The following HNRNPC variants were observed in gnomAD, a reference collection of about 807,000 sequenced individuals.
The protein encoded by HNRNPC is heterogeneous nuclear ribonucleoprotein C.
A neutral mutation model predicts 33.2 loss-of-function variants in HNRNPC; 3 were observed. The ratio of observed to expected loss-of-function variants is 0.09; its 90% CI spans 0.04 to 0.23. The LOEUF (loss-of-function observed/expected upper bound fraction) is 0.23. Among genes scored for constraint, HNRNPC ranks in the 10% least tolerant of loss-of-function variants. The pLI is 1.00. For missense variants in HNRNPC, 143 were observed against 366.7 expected (o/e 0.39, Z 4.98); for synonymous variants, 121 against 126.7 (o/e 0.96, Z 0.30).
At chr14:21,234,480 A>C (rs1894454298) in intron 2 of HNRNPC, among the ~76,000 whole-genome samples, 1 of 152,130 alleles carries the variant, frequency 6.6e-6, no homozygotes, top group Non-Finnish European at 1.5e-5. Context: ...CTCAGGAAAA[A>C]AAAATTCTCC....
chr14:21,218,756 T>C (rs1338871835), intron 5 of HNRNPC, among the ~76,000 whole-genome samples: 2 of 147,218 alleles, frequency 1.4e-5, no homozygotes, highest in African/African-American at 2.5e-5. Context: ...TCCCAGCACT[T>C]TGGAAGGCCA....
rs532229241 is a variant in HNRNPC at position 21,227,080 on chromosome 14, A to G, written c.365+3239T>C. 1.8e-3 allele frequency among the ~76,000 whole-genome samples: 269 copies of G among 152,176 alleles called. 4 individuals carry two copies. Among genetic ancestry groups the G allele is most frequent in the African/African-American group, 6.3e-3 (260 of 41,472 alleles). On this transcript the variant is annotated intron_variant, in intron 5 of 8. Transcript: ENST00000553300. ...AATCTTCAGAATGACTTCTTAGAAGATATTAATACCATTTTTCTAAGTTGT... is the reference window on the plus strand; with the variant it reads ...AATCTTCAGAATGACTTCTTAGAAGGTATTAATACCATTTTTCTAAGTTGT...
rs116519998 is a variant in HNRNPC at position 21,214,067 on chromosome 14, C to T, written c.366-950G>A. Among the ~76,000 whole-genome samples the T allele has an allele frequency of 8.0e-3, 1,211 of 152,228 alleles. 19 individuals are homozygous for T. The highest frequency in any genetic ancestry group is 0.028 in the African/African-American group (1,154 of 41,516). On this transcript the variant is annotated intron_variant, in intron 5 of 8. Coordinates refer to ENST00000553300, the MANE Select transcript of HNRNPC (RefSeq NM_004500.4). Reference sequence around the variant, plus strand: ...CATCAGTTCTAAACTTTCTACATTCCACATTGTCATTTCCATATAAGAACC... The same window carrying T: ...CATCAGTTCTAAACTTTCTACATTCTACATTGTCATTTCCATATAAGAACC...
intron 2 of HNRNPC, chr14:21,262,619 T>G (rs1400505648): frequency 6.6e-6 from 1 of 152,242 alleles, no homozygotes; most frequent in Non-Finnish European, 1.5e-5. Context: ...AGGAAGGGTG[T>G]GCATCTGTTC....
At chr14:21,215,946 G>GAAAAAGA (rs111381572) in intron 5 of HNRNPC, among the ~76,000 whole-genome samples, 3 of 139,344 alleles carry the variant, frequency 2.2e-5, no homozygotes, top group African/African-American at 8.0e-5. Context: ...AAAAGAAAAA[G>GAAAAAGA]AAAAAAAAAA....
chr14:21,267,950 TAAG>T (rs1760293605), intron 1 of HNRNPC, among the ~76,000 whole-genome samples: 2 of 152,212 alleles, frequency 1.3e-5, no homozygotes, highest in African/African-American at 4.8e-5. Flanking sequence ...GTTTAAGCCT[TAAG>T]AAAGGGGTCG....
chr14:21,258,885 A>G (rs1877693017), intron 2 of HNRNPC, among the ~76,000 whole-genome samples: 1 of 152,200 alleles, frequency 6.6e-6, no homozygotes, highest in Non-Finnish European at 1.5e-5. Context: ...CAAGAGATTG[A>G]GACAGTGGCC....
At chr14:21,220,423 T>G (rs1892697885) in intron 5 of HNRNPC, among the ~76,000 whole-genome samples, 1 of 152,120 alleles carries the variant, frequency 6.6e-6, no homozygotes, top group Admixed American at 6.6e-5. Flanking sequence ...GAAATGGGAT[T>G]TCACCATGTT....
intron 5 of HNRNPC, among the ~76,000 whole-genome samples, chr14:21,218,460 T>C (rs953732915): frequency 6.9e-6 from 1 of 144,960 alleles, no homozygotes; most frequent in Non-Finnish European, 1.5e-5. Context: ...CCGAGGCAGG[T>C]GGATTGCCTG....
intron 2 of HNRNPC, among the ~76,000 whole-genome samples, chr14:21,238,713 CTTT>C (rs935949609): frequency 6.6e-6 from 1 of 151,994 alleles, no homozygotes; most frequent in Admixed American, 6.6e-5. Flanking sequence ...TAGAATTTTT[CTTT>C]TTTTAATGCA....
chr14:21,227,604 T>C (rs1270452202), intron 5 of HNRNPC, among the ~76,000 whole-genome samples: 2 of 152,212 alleles, frequency 1.3e-5, no homozygotes, highest in Non-Finnish European at 2.9e-5. Context: ...CTATTGAAAA[T>C]CTGAAGAGGC....
intron 5 of HNRNPC, among the ~76,000 whole-genome samples, chr14:21,217,244 C>A (rs911748716): frequency 3.3e-5 from 5 of 152,160 alleles, no homozygotes; most frequent in African/African-American, 1.2e-4. Flanking sequence ...AATCAACCAG[C>A]AAAATTTTTG....
intron 5 of HNRNPC, among the ~76,000 whole-genome samples, chr14:21,226,081 G>A (rs2139586558): frequency 6.6e-6 from 1 of 152,138 alleles, no homozygotes; most frequent in South Asian, 2.1e-4. Context: ...ACTTTGGGAG[G>A]CCAAGGTGGA....
intron 5 of HNRNPC, 77 bp from the exon 6 acceptor site, chr14:21,213,194 T>C (rs766689232): frequency 2.6e-5 from 37 of 1,399,298 alleles, no homozygotes; most frequent in African/African-American, 5.8e-5. Flanking sequence ...TTATGATAAA[T>C]AGTAAGTGAA....
intron 5 of HNRNPC, among the ~76,000 whole-genome samples, chr14:21,217,362 A>G (rs1260632512): frequency 1.3e-5 from 2 of 152,228 alleles, no homozygotes; most frequent in African/African-American, 2.4e-5. Context: ...CCCGGATACT[A>G]TCAACTGCAA....
chr14:21,256,373 C>T (rs752615489), intron 2 of HNRNPC, among the ~76,000 whole-genome samples: 5 of 151,860 alleles, frequency 3.3e-5, no homozygotes, highest in Non-Finnish European at 7.4e-5. Context: ...TGCTTGAACC[C>T]GGGAGGCAGA....
chr14:21,247,462 C>T (rs1896110322), intron 2 of HNRNPC, among the ~76,000 whole-genome samples: 3 of 152,092 alleles, frequency 2.0e-5, no homozygotes, highest in Admixed American at 6.5e-5. Context: ...AAGTCAATCT[C>T]AAATAAGAAG....
chr14:21,226,205 C>CT (rs2139587676), intron 5 of HNRNPC, among the ~76,000 whole-genome samples: 1 of 151,438 alleles, frequency 6.6e-6, no homozygotes, highest in African/African-American at 2.4e-5. Context: ...ACCTGTAATC[C>CT]TAGCTACTCA....
In HNRNPC at chr14:21,211,419, C is replaced by G. The variant is rs932941913; in HGVS notation, c.785G>C (p.Arg262Pro). ...DLLDDDDNEDRGDDQLELIKD... is the reference protein window; with the variant it reads ...DLLDDDDNEDPGDDQLELIKD... ...CGTGGTTTTCACCTGGTCATCCCCC[C>G]GATCTTCATTATCATCATCATCCAG... The change falls in exon 8 of 9, where the codon CGG becomes CCG. Residue 262 changes from arginine (R) to proline (P), a missense_variant. Arg to Pro is a moderately radical substitution (Grantham distance 103). Coordinates refer to ENST00000553300, the MANE Select transcript of HNRNPC (RefSeq NM_004500.4). 1 of 1,566,418 alleles carries G rather than the reference C, an allele frequency of 6.4e-7. No individual in the cohort carries two copies. The highest frequency in any genetic ancestry group is 8.7e-7 in the Non-Finnish European group (1 of 1,151,616).
Sources: gnomAD v4.1 joint callset for allele counts (sites outside exome capture counted in the v4.1 genomes callset) on GRCh38, gnomAD v4.1.1 for gene constraint, MANE v1.5 for transcripts, NCBI Gene and HGNC (gene_info 2026-07-23, HGNC 2026-07-21) for gene names.